The following SLC24A2 variants were observed in gnomAD, a reference collection of about 807,000 sequenced individuals.
SLC24A2 encodes the protein sodium/potassium/calcium exchanger 2.
A neutral mutation model predicts 62.0 loss-of-function variants in SLC24A2; 36 were observed. The observed-to-expected ratio is 0.58, with a 90% CI of 0.44 to 0.77. The LOEUF (loss-of-function observed/expected upper bound fraction) is 0.77, where lower values mean the gene tolerates loss of function less well. SLC24A2 is among the 30% of genes least tolerant of loss of function. SLC24A2 has a pLI of 0.00. For synonymous variants in SLC24A2, 358 were observed against 294.0 expected (o/e 1.22, Z -2.23); for missense variants, 846 against 817.9 (o/e 1.03, Z -0.42).
chr9:20,161,004 T>A, the SLC24A2 span, among the ~76,000 whole-genome samples: 5 of 151,230 alleles, frequency 3.3e-5, no homozygotes, highest in African/African-American at 1.2e-4. Context: ...TAATTTAATT[T>A]AAAAAATGAG....
chr9:19,814,795 C>G, the SLC24A2 span, among the ~76,000 whole-genome samples: 1 of 152,056 alleles, frequency 6.6e-6, no homozygotes, highest in Non-Finnish European at 1.5e-5. Flanking sequence ...GCAGCAGGTT[C>G]CTGTCTATGA....
chr9:20,217,820 T>C, the SLC24A2 span, among the ~76,000 whole-genome samples: 2 of 152,254 alleles, frequency 1.3e-5, no homozygotes, highest in Non-Finnish European at 2.9e-5. Flanking sequence ...TCTGGCTATC[T>C]TCTGCCTATA....
chr9:20,108,611 C>T, the SLC24A2 span, among the ~76,000 whole-genome samples: 2 of 151,244 alleles, frequency 1.3e-5, no homozygotes, highest in Non-Finnish European at 2.9e-5. Flanking sequence ...AAAAACCAAA[C>T]ACTGCATATT....
the SLC24A2 span, among the ~76,000 whole-genome samples, chr9:19,889,477 C>A: frequency 6.6e-6 from 1 of 151,906 alleles, no homozygotes; most frequent in African/African-American, 2.4e-5. Context: ...CCAAAACAGT[C>A]CATAGGCCTC....
In SLC24A2 at chr9:19,619,676, T is replaced by A. The variant is rs1331865713; in HGVS notation, c.986A>T (p.Gln329Leu). 2 of 1,613,884 alleles carry A rather than the reference T, an allele frequency of 1.2e-6. No homozygotes were observed. The highest frequency in any genetic ancestry group is 2.2e-5 in the East Asian group (1 of 44,866). ...EPTLPAKPRLQRGGSSASLHN... is the reference protein window; with the variant it reads ...EPTLPAKPRLLRGGSSASLHN... ...GAGGGAGGCAGAGCTTCCACCTCGC[T>A]GGAGACGCGGCTTAGCCTGAGCAGA... Residue 329 changes from glutamine (Q) to leucine (L), a missense_variant, in exon 4 of 11, where the codon CAG (glutamine) becomes CTG (leucine). Coordinates refer to ENST00000341998, the MANE Select transcript of SLC24A2 (RefSeq NM_020344.4).
chr9:20,276,696 C>T, the SLC24A2 span, among the ~76,000 whole-genome samples: 1 of 152,252 alleles, frequency 6.6e-6, no homozygotes, highest in African/African-American at 2.4e-5. Context: ...TCTGCCCCTG[C>T]AGCACACCTC....
chr9:20,058,447 T>A, the SLC24A2 span, among the ~76,000 whole-genome samples: 1 of 151,632 alleles, frequency 6.6e-6, no homozygotes, highest in Non-Finnish European at 1.5e-5. Context: ...AAAACTTATA[T>A]CTGGAGGCTC....
At chr9:20,146,758 C>T in the SLC24A2 span, among the ~76,000 whole-genome samples, 1 of 152,054 alleles carries the variant, frequency 6.6e-6, no homozygotes, top group African/African-American at 2.4e-5. Context: ...GCAGGTAACC[C>T]GTAAGCTCCT....
At chr9:20,009,165 C>T in the SLC24A2 span, among the ~76,000 whole-genome samples, 1 of 152,060 alleles carries the variant, frequency 6.6e-6, no homozygotes, top group Admixed American at 6.6e-5. Flanking sequence ...CATTCTGGGA[C>T]CCTGTGAAAG....
the SLC24A2 span, among the ~76,000 whole-genome samples, chr9:19,935,419 C>G: frequency 6.6e-6 from 1 of 151,986 alleles, no homozygotes; most frequent in Non-Finnish European, 1.5e-5. Context: ...CAAAAAAAAC[C>G]CAGCACTTAA....
At chr9:20,275,438 T>A in the SLC24A2 span, among the ~76,000 whole-genome samples, 2 of 152,210 alleles carry the variant, frequency 1.3e-5, no homozygotes, top group Non-Finnish European at 2.9e-5. Context: ...TGCTCCTAAA[T>A]GTTTAGGCTT....
the SLC24A2 span, among the ~76,000 whole-genome samples, chr9:20,051,185 G>C: frequency 5.3e-5 from 8 of 152,108 alleles, no homozygotes; most frequent in South Asian, 2.1e-4. Flanking sequence ...AGTAGGAAAA[G>C]ATATACCATG....
chr9:19,678,637 T>C (rs1238137856), intron 2 of SLC24A2, among the ~76,000 whole-genome samples: 3 of 152,204 alleles, frequency 2.0e-5, no homozygotes, highest in Non-Finnish European at 4.4e-5. Flanking sequence ...GATCTCCCTA[T>C]AATTAATAAA....
At chr9:20,301,068 C>A in the SLC24A2 span, among the ~76,000 whole-genome samples, 1 of 152,318 alleles carries the variant, frequency 6.6e-6, no homozygotes, top group Admixed American at 6.5e-5. Flanking sequence ...AGGAGCTCTT[C>A]CTCTACCTCT....
intron 2 of SLC24A2, among the ~76,000 whole-genome samples, chr9:19,668,282 A>G (rs1819315363): frequency 6.6e-6 from 1 of 152,206 alleles, no homozygotes; most frequent in African/African-American, 2.4e-5. Flanking sequence ...ACTGAGGCTC[A>G]GAGCATGGAA....
chr9:19,857,991 A>C, the SLC24A2 span, among the ~76,000 whole-genome samples: 1 of 152,198 alleles, frequency 6.6e-6, no homozygotes, highest in East Asian at 1.9e-4. Context: ...TCTGAGAATT[A>C]GAAAAAAATC....
the SLC24A2 span, among the ~76,000 whole-genome samples, chr9:20,256,568 T>TCC: frequency 3.3e-5 from 5 of 152,142 alleles, no homozygotes; most frequent in Admixed American, 3.3e-4. Context: ...TGGGTAACTG[T>TCC]CCCAAGGGTT....
rs138403029 is a variant in SLC24A2, at chr9:19,596,909, T to C, written c.1129+320A>G. 2.0e-3 allele frequency among the ~76,000 whole-genome samples: 309 copies of C among 152,346 alleles called. 1 individual carries two copies. The highest frequency in any genetic ancestry group is 7.0e-3 in the African/African-American group (293 of 41,580). On this transcript the variant is annotated intron_variant, in intron 5 of 10. Coordinates refer to ENST00000341998, the MANE Select transcript of SLC24A2 (RefSeq NM_020344.4). ...AAATTATTGGATGAATGTTTCTATA[T>C]GTTTTGTGAGCATGTGGGGGAAAGT... is the stretch of plus-strand genomic sequence containing the variant.
the SLC24A2 span, among the ~76,000 whole-genome samples, chr9:19,961,161 G>C: frequency 6.6e-6 from 1 of 150,648 alleles, no homozygotes; most frequent in African/African-American, 2.4e-5. Flanking sequence ...GAGAGAGAGA[G>C]AGAGAAATAA....
Sources: gnomAD v4.1 joint callset for allele counts (sites outside exome capture counted in the v4.1 genomes callset) on GRCh38, gnomAD v4.1.1 for gene constraint, MANE v1.5 for transcripts, NCBI Gene and HGNC (gene_info 2026-07-23, HGNC 2026-07-21) for gene names.